The following ENTREP2 variants were observed in gnomAD, a reference collection of about 807,000 sequenced individuals.
ENTREP2 encodes endosomal transmembrane epsin interactor 2.
chr15:29,557,936 A>G, the ENTREP2 span, among the ~76,000 whole-genome samples: 1 of 152,216 alleles, frequency 6.6e-6, no homozygotes, highest in Non-Finnish European at 1.5e-5. Flanking sequence ...TGCAATGGGT[A>G]AAGTGACAAT....
At chr15:29,359,658 A>G in the ENTREP2 span, among the ~76,000 whole-genome samples, 16 of 152,098 alleles carry the variant, frequency 1.1e-4, no homozygotes, top group Non-Finnish European at 1.9e-4. Flanking sequence ...TGATCTGCCC[A>G]CCTCAGCCTC....
At chr15:29,629,409 C>G in the ENTREP2 span, among the ~76,000 whole-genome samples, 1 of 152,036 alleles carries the variant, frequency 6.6e-6, no homozygotes, top group Non-Finnish European at 1.5e-5. Context: ...TTGTGGATTA[C>G]CTGAATGTTA....
the ENTREP2 span, among the ~76,000 whole-genome samples, chr15:29,310,450 G>A: frequency 6.6e-6 from 1 of 152,180 alleles, no homozygotes; most frequent in African/African-American, 2.4e-5. Flanking sequence ...GTCCTCAGAG[G>A]GAAGAGCAAG....
At chr15:29,408,757 T>C in the ENTREP2 span, among the ~76,000 whole-genome samples, 1 of 152,206 alleles carries the variant, frequency 6.6e-6, no homozygotes, top group Admixed American at 6.5e-5. Context: ...TTTTAAACTT[T>C]ATATTCTGAA....
At chr15:29,637,451 T>C in the ENTREP2 span, among the ~76,000 whole-genome samples, 2 of 152,144 alleles carry the variant, frequency 1.3e-5, no homozygotes, top group Admixed American at 1.3e-4. Flanking sequence ...TCACCCACTT[T>C]CTCTCCAAAA....
At chr15:29,357,719 G>A in the ENTREP2 span, among the ~76,000 whole-genome samples, 6 of 152,042 alleles carry the variant, frequency 3.9e-5, no homozygotes, top group African/African-American at 1.4e-4. Context: ...GGCGCCTGTA[G>A]TCCCAGCTAC....
the ENTREP2 span, among the ~76,000 whole-genome samples, chr15:29,405,761 C>A: frequency 6.6e-6 from 1 of 152,238 alleles, no homozygotes; most frequent in African/African-American, 2.4e-5. Flanking sequence ...CCATGGCACA[C>A]ATGAGAGTGA....
At chr15:29,447,906 T>C in the ENTREP2 span, among the ~76,000 whole-genome samples, 3 of 151,318 alleles carry the variant, frequency 2.0e-5, no homozygotes, top group Admixed American at 6.6e-5. Context: ...CTGCTAAAAA[T>C]ACAAAAAAAA....
the ENTREP2 span, among the ~76,000 whole-genome samples, chr15:29,650,221 C>T: frequency 2.0e-5 from 3 of 151,910 alleles, no homozygotes; most frequent in Non-Finnish European, 4.4e-5. Context: ...ACCTGGGAAG[C>T]CAATCATACT....
chr15:29,162,653 A>C, the ENTREP2 span, among the ~76,000 whole-genome samples: 1 of 151,432 alleles, frequency 6.6e-6, no homozygotes. Context: ...AGCTGCAGCA[A>C]GACCGGTCCA....
the ENTREP2 span, among the ~76,000 whole-genome samples, chr15:29,660,211 T>C: frequency 6.6e-6 from 1 of 152,226 alleles, no homozygotes; most frequent in Non-Finnish European, 1.5e-5. Flanking sequence ...TCCATTACAC[T>C]ATGGTTCAAA....
the ENTREP2 span, among the ~76,000 whole-genome samples, chr15:29,546,556 C>T: frequency 6.6e-6 from 1 of 152,092 alleles, no homozygotes; most frequent in Admixed American, 6.6e-5. Flanking sequence ...AGAATGTGTG[C>T]TAGAGCTATG....
chr15:29,319,183 C>T, the ENTREP2 span, among the ~76,000 whole-genome samples: 1 of 152,206 alleles, frequency 6.6e-6, no homozygotes, highest in Non-Finnish European at 1.5e-5. Flanking sequence ...TGGCAGGCCA[C>T]TTCTTACTTC....
the ENTREP2 span, among the ~76,000 whole-genome samples, chr15:29,463,123 C>A: frequency 7.4e-4 from 112 of 152,130 alleles, 1 homozygote; most frequent in African/African-American, 2.7e-3. Context: ...GGGGGAGTGA[C>A]GAGGCTCAGG....
the ENTREP2 span, among the ~76,000 whole-genome samples, chr15:29,194,696 T>C: frequency 6.6e-6 from 1 of 152,160 alleles, no homozygotes; most frequent in Non-Finnish European, 1.5e-5. Flanking sequence ...CCCCTAGACC[T>C]GAGACTGCAT....
At chr15:29,597,280 T>C in the ENTREP2 span, among the ~76,000 whole-genome samples, 1 of 152,096 alleles carries the variant, frequency 6.6e-6, no homozygotes, top group Non-Finnish European at 1.5e-5. Flanking sequence ...GATTCATCCA[T>C]AACTAGAGTC....
chr15:29,576,063 C>T, the ENTREP2 span, among the ~76,000 whole-genome samples: 1 of 152,190 alleles, frequency 6.6e-6, no homozygotes, highest in Non-Finnish European at 1.5e-5. Context: ...AAGACTCATA[C>T]TTCTAGATTT....
chr15:29,602,984 T>C, the ENTREP2 span, among the ~76,000 whole-genome samples: 5 of 152,072 alleles, frequency 3.3e-5, no homozygotes, highest in South Asian at 2.1e-4. Context: ...CAAAAGCCCA[T>C]ATGCAGGAGA....
the ENTREP2 span, among the ~76,000 whole-genome samples, chr15:29,572,452 C>T: frequency 1.3e-5 from 2 of 152,124 alleles, no homozygotes; most frequent in South Asian, 2.1e-4. Context: ...GTTATGTTCG[C>T]ATTTGATCAT....
Sources: allele counts gnomAD v4.1 joint callset (sites outside exome capture counted in the v4.1 genomes callset), GRCh38; gene constraint gnomAD v4.1.1; transcripts MANE v1.5; gene names NCBI Gene and HGNC (gene_info 2026-07-23, HGNC 2026-07-21).